NECAB1: variants seen among roughly 807,000 people sequenced by gnomAD.
The protein encoded by NECAB1 is N-terminal EF-hand calcium-binding protein 1.
In NECAB1, 29 loss-of-function variants were observed where a neutral mutation model predicts 57.5. The ratio of observed to expected loss-of-function variants is 0.50; its 90% CI spans 0.38 to 0.69. The LOEUF (loss-of-function observed/expected upper bound fraction) is 0.69, where lower values mean the gene tolerates loss of function less well. Ranked by LOEUF, NECAB1 falls within the 30% of genes least tolerant of loss-of-function variation. The pLI, the probability that NECAB1 is intolerant of heterozygous loss-of-function variation, is 0.00. For synonymous variants in NECAB1, 142 were observed against 147.7 expected, an observed-to-expected ratio of 0.96 and a Z score of 0.28; for missense variants, 372 against 413.8, an observed-to-expected ratio of 0.90 and a Z score of 0.88.
chr8:90,808,442 AT>A (rs1811892059), intron 2 of NECAB1, among the ~76,000 whole-genome samples: 1 of 151,152 alleles, frequency 6.6e-6, no homozygotes, highest in African/African-American at 2.4e-5. Flanking sequence ...TCAAATCCCC[AT>A]TCCACTTACT....
At chr8:90,848,833 C>A (rs951480350) in intron 3 of NECAB1, among the ~76,000 whole-genome samples, 22 of 151,938 alleles carry the variant, frequency 1.4e-4, no homozygotes, top group Non-Finnish European at 3.2e-4. Flanking sequence ...AAAACAAATA[C>A]AAAAATAAGC....
chr8:90,933,729 T>TA (rs1253935703), intron 8 of NECAB1, among the ~76,000 whole-genome samples: 220 of 146,588 alleles, frequency 1.5e-3, no homozygotes, highest in Middle Eastern at 0.01. Context: ...CCTATGGAAA[T>TA]AAAAAAAAAA....
In NECAB1 at chr8:90,798,761, C is replaced by T. The variant is rs763850605; in HGVS notation, c.100-2930C>T. Among the ~76,000 whole-genome samples, 6 of 152,102 alleles carry T rather than the reference C, an allele frequency of 3.9e-5. No homozygotes were observed. In the South Asian group the frequency reaches 6.2e-4, roughly 16 times the overall value. ...TGTGAATAATGCTGCAATGAATATA[C>T]GAGTGCCATGTGTCTTTTTGGTACA... On this transcript the variant is annotated intron_variant, in intron 1 of 12. Transcript: ENST00000417640.
intron 10 of NECAB1, among the ~76,000 whole-genome samples, chr8:90,943,910 T>A (rs1810735165): frequency 6.6e-6 from 1 of 151,950 alleles, no homozygotes; most frequent in Admixed American, 6.6e-5. Flanking sequence ...TGCCACCATA[T>A]CTGGCTACTT....
chr8:90,809,820 TA>T, intron 2 of NECAB1, among the ~76,000 whole-genome samples: 1 of 152,170 alleles, frequency 6.6e-6, no homozygotes, highest in Non-Finnish European at 1.5e-5. Context: ...CCTAAGTTGT[TA>T]AAAAATACTG....
At chr8:90,797,213 C>A (rs979174582) in intron 1 of NECAB1, among the ~76,000 whole-genome samples, 10 of 152,154 alleles carry the variant, frequency 6.6e-5, no homozygotes, top group Non-Finnish European at 1.3e-4. Context: ...ATAACTCTTA[C>A]TATTGAAAGC....
At chr8:90,865,041 G>A (rs1466567307) in intron 3 of NECAB1, among the ~76,000 whole-genome samples, 3 of 152,076 alleles carry the variant, frequency 2.0e-5, no homozygotes, top group African/African-American at 7.2e-5. Context: ...ACATTGTTAA[G>A]GGCAAGTTCC....
At chr8:90,811,705 A>G (rs1811963205) in intron 2 of NECAB1, among the ~76,000 whole-genome samples, 1 of 152,054 alleles carries the variant, frequency 6.6e-6, no homozygotes, top group Non-Finnish European at 1.5e-5. Context: ...CTACATCTCA[A>G]CTTTGGTTTG....
At chr8:90,877,157 T>C (rs909395972) in intron 4 of NECAB1, among the ~76,000 whole-genome samples, 3 of 152,182 alleles carry the variant, frequency 2.0e-5, no homozygotes, top group African/African-American at 4.8e-5. Context: ...CCTTCCCTCC[T>C]GCCTACCACA....
At position 90,849,686 on chromosome 8, in the gene NECAB1, A is replaced by ATTTTT. The variant is rs34779201; in HGVS notation, c.234-22421_234-22417dup. On this transcript the variant is annotated intron_variant, in intron 3 of 12. Coordinates refer to ENST00000417640, the MANE Select transcript of NECAB1 (RefSeq NM_022351.5). ...TTTTTTATGTTTAAAGTTTCCAGTA[A>ATTTTT]TTTTTTTTTTTTTTTTTTTTTTTTT... Among the ~76,000 whole-genome samples, 100 of 84,116 alleles carry ATTTTT rather than the reference A, an allele frequency of 1.2e-3. 3 individuals are homozygous for ATTTTT. Among genetic ancestry groups the ATTTTT allele is most frequent in the East Asian group, 6.0e-3 (13 of 2,174 alleles). The allele number at this position is 84,116 out of a possible 152,430, so 55.2% of individuals were successfully genotyped here. A position where few individuals can be genotyped will look rare whatever the true frequency, so the allele number is the denominator to read the frequency against.
intron 5 of NECAB1, among the ~76,000 whole-genome samples, chr8:90,885,477 A>T (rs28536712): frequency 0.02 from 3,021 of 152,302 alleles, 42 homozygotes; most frequent in Non-Finnish European, 0.031. Context: ...AGAATGAGGA[A>T]TAGCTGTCAA....
chr8:90,840,509 C>T (rs1812436445), intron 3 of NECAB1, among the ~76,000 whole-genome samples: 1 of 152,248 alleles, frequency 6.6e-6, no homozygotes, highest in Non-Finnish European at 1.5e-5. Flanking sequence ...CCTTTGGAAT[C>T]TGTCAGAGTG....
At chr8:90,834,230 A>G (rs1372688139) in intron 3 of NECAB1, among the ~76,000 whole-genome samples, 1 of 151,886 alleles carries the variant, frequency 6.6e-6, no homozygotes, top group Non-Finnish European at 1.5e-5. Context: ...ACAAATAACC[A>G]AAAAGTCACT....
intron 11 of NECAB1, 48 bp downstream of exon 11, chr8:90,949,932 A>G: frequency 9.0e-7 from 1 of 1,117,184 alleles, no homozygotes; most frequent in Non-Finnish European, 1.3e-6. Flanking sequence ...GAAGGTGGCA[A>G]TATGCATGAT....
intron 4 of NECAB1, among the ~76,000 whole-genome samples, chr8:90,878,877 T>TGA (rs1044990509): frequency 2.7e-5 from 4 of 150,688 alleles, no homozygotes; most frequent in African/African-American, 7.3e-5. Context: ...TGTCCATGAA[T>TGA]GAAATATTTA....
intron 3 of NECAB1, among the ~76,000 whole-genome samples, chr8:90,833,029 C>T (rs1351614926): frequency 2.0e-5 from 3 of 152,016 alleles, no homozygotes; most frequent in Non-Finnish European, 4.4e-5. Flanking sequence ...GCTTTAATTG[C>T]TGCCTTTTTC....
chr8:90,850,169 A>C (rs983502353), intron 3 of NECAB1, among the ~76,000 whole-genome samples: 2 of 152,212 alleles, frequency 1.3e-5, no homozygotes, highest in Non-Finnish European at 2.9e-5. Flanking sequence ...AAATAGCTAG[A>C]GGGACAAAAG....
At chr8:90,917,781 A>T (rs1443526812) in intron 6 of NECAB1, among the ~76,000 whole-genome samples, 153 bp downstream of exon 6, 2 of 142,692 alleles carry the variant, frequency 1.4e-5, no homozygotes, top group Admixed American at 1.4e-4. Flanking sequence ...TGCTTGCCTT[A>T]TTATTTGCCT....
intron 3 of NECAB1, among the ~76,000 whole-genome samples, chr8:90,839,653 G>C: frequency 6.6e-6 from 1 of 152,158 alleles, no homozygotes; most frequent in East Asian, 1.9e-4. Context: ...CAGCCAGAGA[G>C]AATAGCACAT....
Sources: gnomAD v4.1 joint callset for allele counts (sites outside exome capture counted in the v4.1 genomes callset) on GRCh38, gnomAD v4.1.1 for gene constraint, MANE v1.5 for transcripts, NCBI Gene and HGNC (gene_info 2026-07-23, HGNC 2026-07-21) for gene names.